Variants in CNBD1 observed in about 807,000 individuals in gnomAD.
The protein encoded by CNBD1 is cyclic nucleotide binding domain containing 1.
In CNBD1, 71 loss-of-function variants were observed where a neutral mutation model predicts 54.4. The observed-to-expected ratio is 1.30, with a 90% CI of 1.08 to 1.59. The LOEUF (loss-of-function observed/expected upper bound fraction) is 1.59. Ranked by LOEUF, CNBD1 falls within the 40% of genes most tolerant of loss-of-function variation. The pLI, the probability that CNBD1 is intolerant of heterozygous loss-of-function variation, is 0.00. For missense variants in CNBD1, 659 were observed against 518.0 expected (o/e 1.27, Z -2.64); for synonymous variants, 182 against 170.7 (o/e 1.07, Z -0.51).
chr8:87,282,745 A>G (rs1366684635), intron 6 of CNBD1, among the ~76,000 whole-genome samples: 1 of 151,982 alleles, frequency 6.6e-6, no homozygotes, highest in Non-Finnish European at 1.5e-5. Flanking sequence ...TGCTTTCATA[A>G]TGGCTTATTA....
intron 2 of CNBD1, among the ~76,000 whole-genome samples, chr8:87,424,729 C>T (rs1808014241): frequency 6.6e-6 from 1 of 152,148 alleles, no homozygotes. Context: ...GGGAACCTGA[C>T]CTTTCTCTCT....
intron 4 of CNBD1, among the ~76,000 whole-genome samples, chr8:87,039,456 T>C (rs1810017901): frequency 6.6e-6 from 1 of 152,154 alleles, no homozygotes; most frequent in African/African-American, 2.4e-5. Context: ...TCCCCATGGT[T>C]TTTTGGGGGG....
chr8:87,387,800 T>A (rs868004817), downstream of CNBD1, among the ~76,000 whole-genome samples: 10 of 152,148 alleles, frequency 6.6e-5, no homozygotes, highest in African/African-American at 2.4e-4. Context: ...CAGCAGAATA[T>A]ACATTCTTTT....
Position 86,907,096 on chromosome 8 carries a change from G to T in CNBD1, c.272+1902G>T, listed in dbSNP as rs62528029. Among the ~76,000 whole-genome samples the T allele has an allele frequency of 3.7e-3, 569 of 152,298 alleles. 1 individual carries two copies. Among genetic ancestry groups the T allele is most frequent in the Non-Finnish European group, 6.5e-3 (439 of 68,020 alleles). ...GGGACTCAGTTTCCTCTGTATCTCT[G>T]CCTCCTCTTTGCTGGGTTGGTTTCA... is the stretch of plus-strand genomic sequence containing the variant. On this transcript the variant is annotated intron_variant, in intron 3 of 10. Transcript: ENST00000518476.
At chr8:87,092,068 A>C (rs1407557206) in intron 4 of CNBD1, among the ~76,000 whole-genome samples, 1 of 152,190 alleles carries the variant, frequency 6.6e-6, no homozygotes, top group East Asian at 1.9e-4. Context: ...TGAAGAAAAA[A>C]CTATGACAAA....
At chr8:86,889,170 G>T (rs1440970866) in intron 2 of CNBD1, among the ~76,000 whole-genome samples, 1 of 152,152 alleles carries the variant, frequency 6.6e-6, no homozygotes, top group South Asian at 2.1e-4. Flanking sequence ...TTTAAGGTAT[G>T]TGTATATAGG....
intron 4 of CNBD1, among the ~76,000 whole-genome samples, chr8:87,052,616 TC>T (rs1358707579): frequency 3.9e-5 from 6 of 152,134 alleles, no homozygotes; most frequent in Admixed American, 3.3e-4. Context: ...TGTTCTCTAA[TC>T]CCCCTTCCAG....
chr8:87,357,609 G>T (rs1387070417), intron 10 of CNBD1, among the ~76,000 whole-genome samples: 1 of 152,148 alleles, frequency 6.6e-6, no homozygotes, highest in Non-Finnish European at 1.5e-5. Flanking sequence ...CTGTATCTTG[G>T]AAATTAATAA....
downstream of CNBD1, among the ~76,000 whole-genome samples, chr8:87,387,838 T>C (rs193095036): frequency 1.1e-4 from 17 of 152,242 alleles, no homozygotes; most frequent in Admixed American, 3.3e-4. Flanking sequence ...TATTCCAAAA[T>C]TGACCACATA....
chr8:87,313,627 A>G (rs1277738855), intron 8 of CNBD1, among the ~76,000 whole-genome samples: 5 of 151,926 alleles, frequency 3.3e-5, no homozygotes, highest in Non-Finnish European at 7.4e-5. Flanking sequence ...AGTCTTTGAG[A>G]AGAAAGTGAT....
intron 8 of CNBD1, among the ~76,000 whole-genome samples, chr8:87,321,758 TC>T (rs1809538869): frequency 6.6e-6 from 1 of 151,898 alleles, no homozygotes; most frequent in African/African-American, 2.4e-5. Flanking sequence ...ATCCAAGAAA[TC>T]ATTGCCAAGA....
chr8:87,394,333 G>C (rs1465100482), intron 2 of CNBD1, among the ~76,000 whole-genome samples: 5 of 151,878 alleles, frequency 3.3e-5, no homozygotes, highest in African/African-American at 1.2e-4. Context: ...AAAAGAAGCA[G>C]AATAGTTCAA....
intron 5 of CNBD1, among the ~76,000 whole-genome samples, chr8:87,231,039 T>G (rs957272288): frequency 1.1e-4 from 16 of 152,230 alleles, no homozygotes; most frequent in Admixed American, 6.5e-4. Flanking sequence ...AGCCAGCATT[T>G]CATATGGCTG....
chr8:87,010,767 C>G (rs917618104), intron 4 of CNBD1, among the ~76,000 whole-genome samples: 1 of 151,996 alleles, frequency 6.6e-6, no homozygotes, highest in South Asian at 2.1e-4. Context: ...CAAAAAACTC[C>G]CATTCTGTGA....
chr8:87,316,193 A>G (rs548241827), intron 8 of CNBD1, among the ~76,000 whole-genome samples: 3 of 152,174 alleles, frequency 2.0e-5, no homozygotes, highest in African/African-American at 7.2e-5. Context: ...TGTTGCATAC[A>G]TAAAAAAGAA....
At chr8:87,063,573 C>CT (rs1199128304) in intron 4 of CNBD1, among the ~76,000 whole-genome samples, 1 of 151,856 alleles carries the variant, frequency 6.6e-6, no homozygotes, top group Non-Finnish European at 1.5e-5. Flanking sequence ...AAACCTTGTT[C>CT]TTTGACTCTT....
At chr8:87,179,344 A>C (rs189909644) in intron 4 of CNBD1, among the ~76,000 whole-genome samples, 1 of 152,318 alleles carries the variant, frequency 6.6e-6, no homozygotes, top group Non-Finnish European at 1.5e-5. Flanking sequence ...AAAACATTAG[A>C]TATAAGTACC....
At chr8:86,972,196 C>A (rs1808239741) in intron 4 of CNBD1, among the ~76,000 whole-genome samples, 2 of 152,080 alleles carry the variant, frequency 1.3e-5, no homozygotes, top group African/African-American at 4.8e-5. Flanking sequence ...GTGATCCACC[C>A]ACCTCGGCCT....
At chr8:87,381,554 T>G (rs575242438) in intron 10 of CNBD1, among the ~76,000 whole-genome samples, 1 of 152,100 alleles carries the variant, frequency 6.6e-6, no homozygotes, top group South Asian at 2.1e-4. Flanking sequence ...AATTGGGATC[T>G]CAAAGAGATA....
Sources: gnomAD v4.1 joint callset for allele counts (sites outside exome capture counted in the v4.1 genomes callset) on GRCh38, gnomAD v4.1.1 for gene constraint, MANE v1.5 for transcripts, NCBI Gene and HGNC (gene_info 2026-07-23, HGNC 2026-07-21) for gene names.